Variants in GMDS observed in about 807,000 individuals in gnomAD.
GMDS encodes GDP-mannose 4,6-dehydratase, also known as GDP-mannose 4,6 dehydratase.
In GMDS, 20 loss-of-function variants were observed where a neutral mutation model predicts 49.9. The ratio of observed to expected loss-of-function variants is 0.40; its 90% CI spans 0.28 to 0.58. GMDS has a LOEUF of 0.58. Among genes scored for constraint, GMDS ranks in the 20% least tolerant of loss-of-function variants. The pLI is 0.42. For synonymous variants in GMDS, 177 were observed against 178.6 expected (o/e 0.99, Z 0.07); for missense variants, 362 against 481.4 (o/e 0.75, Z 2.32).
chr6:1,924,779 C>T (rs538633188), intron 7 of GMDS, among the ~76,000 whole-genome samples: 2 of 152,220 alleles, frequency 1.3e-5, no homozygotes, highest in South Asian at 2.1e-4. Flanking sequence ...TTGAAAATGG[C>T]GCATTGCCAC....
rs2113692795 is a variant in GMDS at position 1,816,607 on chromosome 6, T to C, written c.772-74021A>G. On this transcript the variant is annotated intron_variant, in intron 7 of 10. Transcript: ENST00000380815. ...ACGATTTTGCTTTGTTTTCTGTTTT[T>C]TATAACTCATATAAAAGTAATATAT... is the stretch of plus-strand genomic sequence containing the variant. 2.0e-5 allele frequency among the ~76,000 whole-genome samples: 3 copies of C among 152,344 alleles called. No individual in the cohort carries two copies. In the Middle Eastern group the frequency reaches 0.01, roughly 518 times the overall value.
chr6:1,895,521 G>A (rs1760118427), intron 7 of GMDS, among the ~76,000 whole-genome samples: 1 of 152,094 alleles, frequency 6.6e-6, no homozygotes, highest in Non-Finnish European at 1.5e-5. Context: ...ATGTGCATAG[G>A]CCACACTCAA....
chr6:1,726,913 TC>T (rs1257376810), intron 8 of GMDS, among the ~76,000 whole-genome samples: 7 of 151,922 alleles, frequency 4.6e-5, no homozygotes, highest in African/African-American at 9.7e-5. Flanking sequence ...TCTTCTGTCT[TC>T]CCTTTTTTTT....
chr6:2,018,216 T>C (rs966672035), intron 4 of GMDS, among the ~76,000 whole-genome samples: 1 of 152,222 alleles, frequency 6.6e-6, no homozygotes, highest in Admixed American at 6.5e-5. Flanking sequence ...AGGTCTATAA[T>C]GATTATAGAA....
chr6:1,886,051 C>G (rs1759591930), intron 7 of GMDS, among the ~76,000 whole-genome samples: 1 of 152,154 alleles, frequency 6.6e-6, no homozygotes, highest in Non-Finnish European at 1.5e-5. Context: ...AAAAAATTTC[C>G]TGCTTGGTCA....
At chr6:1,652,083 C>T (rs991010144) in intron 9 of GMDS, among the ~76,000 whole-genome samples, 6 of 151,584 alleles carry the variant, frequency 4.0e-5, no homozygotes, top group African/African-American at 1.5e-4. Flanking sequence ...CTAAGATTAT[C>T]CTTAACAGGC....
intron 2 of GMDS, among the ~76,000 whole-genome samples, chr6:2,122,574 C>A (rs1217990263): frequency 6.6e-6 from 1 of 152,200 alleles, no homozygotes; most frequent in Non-Finnish European, 1.5e-5. Context: ...TGAAAAATTA[C>A]TCTAACATTT....
At chr6:2,008,439 T>C (rs940041938) in intron 4 of GMDS, among the ~76,000 whole-genome samples, 1 of 152,216 alleles carries the variant, frequency 6.6e-6, no homozygotes, top group Non-Finnish European at 1.5e-5. Context: ...ATGGCATACA[T>C]GTCAGGACTG....
At chr6:1,936,618 C>T (rs1056732741) in intron 6 of GMDS, among the ~76,000 whole-genome samples, 1 of 152,140 alleles carries the variant, frequency 6.6e-6, no homozygotes, top group Non-Finnish European at 1.5e-5. Context: ...CACCACACGC[C>T]ACACCACAAC....
chr6:1,853,394 T>C (rs1288826841), intron 7 of GMDS, among the ~76,000 whole-genome samples: 1 of 148,352 alleles, frequency 6.7e-6, no homozygotes, highest in Non-Finnish European at 1.5e-5. Context: ...AGCGGGCGCC[T>C]GTAGTCCCAG....
chr6:2,234,836 T>C (rs913367578), intron 1 of GMDS, among the ~76,000 whole-genome samples: 1 of 152,082 alleles, frequency 6.6e-6, no homozygotes, highest in Non-Finnish European at 1.5e-5. Flanking sequence ...TTACGGTCAC[T>C]CAGTGAGTAA....
chr6:1,819,605 A>T (rs1457795127), intron 7 of GMDS, among the ~76,000 whole-genome samples: 3 of 151,902 alleles, frequency 2.0e-5, no homozygotes, highest in African/African-American at 7.3e-5. Flanking sequence ...TACTAAAAAT[A>T]CAAAAATTAG....
intron 4 of GMDS, among the ~76,000 whole-genome samples, chr6:2,035,215 T>C (rs1463041285): frequency 1.3e-5 from 2 of 152,186 alleles, no homozygotes; most frequent in Admixed American, 1.3e-4. Context: ...GAAGGCTTCA[T>C]TATGAAAGGT....
intron 8 of GMDS, among the ~76,000 whole-genome samples, chr6:1,730,765 T>C (rs929047595): frequency 4.6e-5 from 7 of 152,094 alleles, no homozygotes; most frequent in South Asian, 2.1e-4. Context: ...CCTCTTATAA[T>C]AAAATAGCCA....
chr6:1,884,306 T>C (rs1454402891), intron 7 of GMDS, among the ~76,000 whole-genome samples: 1 of 152,222 alleles, frequency 6.6e-6, no homozygotes, highest in Non-Finnish European at 1.5e-5. Flanking sequence ...GAGGGCAATT[T>C]ATATTTAACT....
At position 1,995,940 on chromosome 6, in the gene GMDS, C is replaced by T. The variant is rs375962221; in HGVS notation, c.346-34974G>A. 3.3e-4 allele frequency among the ~76,000 whole-genome samples: 51 copies of T among 152,292 alleles called. 1 individual carries two copies. In the South Asian group the frequency reaches 1.0e-2, roughly 30 times the overall value. ...TCGCTAGGTGGCAAATAGACACATGCTAACTCAAGCATGCTTTGCTGAAGT... is the reference window on the plus strand; with the variant it reads ...TCGCTAGGTGGCAAATAGACACATGTTAACTCAAGCATGCTTTGCTGAAGT... On this transcript the variant is annotated intron_variant, in intron 4 of 10. Coordinates refer to ENST00000380815, the MANE Select transcript of GMDS (RefSeq NM_001500.4).
At chr6:2,196,640 C>G (rs1286482124) in intron 1 of GMDS, among the ~76,000 whole-genome samples, 1 of 152,118 alleles carries the variant, frequency 6.6e-6, no homozygotes, top group East Asian at 1.9e-4. Flanking sequence ...TCAGGACAGA[C>G]CACATTAACT....
intron 1 of GMDS, among the ~76,000 whole-genome samples, chr6:2,240,411 G>A (rs1362791880): frequency 6.6e-6 from 1 of 151,988 alleles, no homozygotes; most frequent in Non-Finnish European, 1.5e-5. Flanking sequence ...TTCCAACCTG[G>A]CAGAAAAGAT....
At chr6:1,705,344 T>C (rs1765694208) in intron 9 of GMDS, among the ~76,000 whole-genome samples, 1 of 152,214 alleles carries the variant, frequency 6.6e-6, no homozygotes, top group South Asian at 2.1e-4. Context: ...TGCCCTGTGC[T>C]GCCAGGACAG....
Sources: gnomAD v4.1 joint callset for allele counts (sites outside exome capture counted in the v4.1 genomes callset) on GRCh38, gnomAD v4.1.1 for gene constraint, MANE v1.5 for transcripts, NCBI Gene and HGNC (gene_info 2026-07-23, HGNC 2026-07-21) for gene names.